ZFPM2: variants seen among roughly 807,000 people sequenced by gnomAD.
The protein encoded by ZFPM2 is zinc finger protein, FOG family member 2.
ZFPM2 carries 20 observed loss-of-function variants against 98.6 expected under a neutral mutation model. The ratio of observed to expected loss-of-function variants is 0.20; its 90% CI spans 0.14 to 0.29. The LOEUF is 0.29. Among genes scored for constraint, ZFPM2 ranks in the 10% least tolerant of loss-of-function variants. ZFPM2 has a pLI of 1.00. For synonymous variants in ZFPM2, 518 were observed against 502.7 expected (o/e 1.03, Z -0.41); for missense variants, 1,310 against 1,388.6 (o/e 0.94, Z 0.90).
chr8:105,441,457 A>AGGAAGGAAGGAAGGAAGGAAGGAAG (rs1563659926), intron 2 of ZFPM2, among the ~76,000 whole-genome samples: 1 of 81,828 alleles, frequency 1.2e-5, no homozygotes, highest in African/African-American at 5.1e-5. Context: ...AGAGAGAGAA[A>AGGAAGGAAGGAAGGAAGGAAGGAAG]GAAAGAAAGA....
At chr8:105,672,530 C>T (rs1466849605) in intron 5 of ZFPM2, among the ~76,000 whole-genome samples, 1 of 151,792 alleles carries the variant, frequency 6.6e-6, no homozygotes, top group Admixed American at 6.6e-5. Context: ...TCTGGTAATG[C>T]TATATAAGAG....
intron 3 of ZFPM2, among the ~76,000 whole-genome samples, chr8:105,523,260 A>G (rs1814101104): frequency 6.6e-6 from 1 of 152,214 alleles, no homozygotes; most frequent in Non-Finnish European, 1.5e-5. Context: ...AAAGCTAATA[A>G]AACTTTTACA....
At chr8:105,671,653 T>G (rs542747524) in intron 5 of ZFPM2, among the ~76,000 whole-genome samples, 67 of 151,440 alleles carry the variant, frequency 4.4e-4, no homozygotes, top group Admixed American at 2.0e-3. Context: ...AAATAGGTGG[T>G]TTTTTTTTAC....
intron 1 of ZFPM2, among the ~76,000 whole-genome samples, chr8:105,351,172 C>CA (rs201784746): frequency 0.29 from 27,836 of 95,234 alleles, 3,551 homozygotes; most frequent in East Asian, 0.56. Flanking sequence ...GACTCTGTCT[C>CA]AAAAAAAAAA....
At chr8:105,658,754 T>C (rs931898415) in intron 5 of ZFPM2, among the ~76,000 whole-genome samples, 5 of 152,136 alleles carry the variant, frequency 3.3e-5, no homozygotes, top group African/African-American at 9.7e-5. Context: ...TACATGGACT[T>C]CTTCACTTTT....
At chr8:105,436,086 C>G (rs534886147) in intron 2 of ZFPM2, among the ~76,000 whole-genome samples, 1 of 152,176 alleles carries the variant, frequency 6.6e-6, no homozygotes, top group South Asian at 2.1e-4. Context: ...AAACTAAAAT[C>G]TAATTTTTTA....
At chr8:105,531,021 A>G (rs1814286773) in intron 3 of ZFPM2, among the ~76,000 whole-genome samples, 1 of 152,166 alleles carries the variant, frequency 6.6e-6, no homozygotes, top group South Asian at 2.1e-4. Flanking sequence ...TTTCTAAGAA[A>G]TAATTGTCTT....
At chr8:105,721,081 C>T (rs1811651636) in intron 5 of ZFPM2, among the ~76,000 whole-genome samples, 3 of 151,776 alleles carry the variant, frequency 2.0e-5, no homozygotes, top group Admixed American at 2.0e-4. Flanking sequence ...TATAGTTGTC[C>T]CTCTGTAGAC....
intron 5 of ZFPM2, among the ~76,000 whole-genome samples, chr8:105,750,280 A>G (rs1812446605): frequency 6.6e-6 from 1 of 152,034 alleles, no homozygotes; most frequent in South Asian, 2.1e-4. Flanking sequence ...TTACGTATCT[A>G]TACTTTATAG....
intron 1 of ZFPM2, among the ~76,000 whole-genome samples, chr8:105,413,847 A>G (rs1484782675): frequency 3.3e-5 from 5 of 151,992 alleles, no homozygotes; most frequent in Non-Finnish European, 7.4e-5. Context: ...ATCTGATATT[A>G]AAATGATCCA....
intron 2 of ZFPM2, among the ~76,000 whole-genome samples, chr8:105,440,363 GTTT>G (rs1052261424): frequency 6.8e-6 from 1 of 147,220 alleles, no homozygotes; most frequent in African/African-American, 2.5e-5. Flanking sequence ...TACATTTTTG[GTTT>G]TTTTTTTAGT....
At chr8:105,706,536 A>C (rs1232060044) in intron 5 of ZFPM2, among the ~76,000 whole-genome samples, 2 of 152,060 alleles carry the variant, frequency 1.3e-5, no homozygotes, top group African/African-American at 4.8e-5. Context: ...TGTTCCTGGT[A>C]ATGAGGATAG....
At chr8:105,789,949 A>T (rs1388547798) in intron 6 of ZFPM2, among the ~76,000 whole-genome samples, 1 of 151,298 alleles carries the variant, frequency 6.6e-6, no homozygotes. Context: ...TTTTTCTTGT[A>T]AATTTGTTGG....
At chr8:105,472,709 CT>C in intron 3 of ZFPM2, among the ~76,000 whole-genome samples, 1 of 151,638 alleles carries the variant, frequency 6.6e-6, no homozygotes, top group Non-Finnish European at 1.5e-5. Flanking sequence ...GGGGTTTCAC[CT>C]TATTGGCCAG....
chr8:105,722,488 A>G (rs536940377), intron 5 of ZFPM2, among the ~76,000 whole-genome samples: 3 of 152,040 alleles, frequency 2.0e-5, no homozygotes, highest in African/African-American at 4.8e-5. Context: ...CTGATAACCT[A>G]CTATTGACCA....
At chr8:105,667,673 A>C (rs755411616) in intron 5 of ZFPM2, among the ~76,000 whole-genome samples, 1 of 152,228 alleles carries the variant, frequency 6.6e-6, no homozygotes, top group African/African-American at 2.4e-5. Context: ...AACATAGGAC[A>C]GCAAACTAAA....
chr8:105,630,071 T>C (rs1313563478), intron 4 of ZFPM2, among the ~76,000 whole-genome samples: 2 of 152,204 alleles, frequency 1.3e-5, no homozygotes, highest in Admixed American at 6.5e-5. Context: ...CCACACCTTT[T>C]ATATCTGTTC....
chr8:105,715,994 C>G (rs980107247), intron 5 of ZFPM2, among the ~76,000 whole-genome samples: 1 of 151,760 alleles, frequency 6.6e-6, no homozygotes, highest in South Asian at 2.1e-4. Flanking sequence ...CAATCAGGTG[C>G]CATAATCTGA....
At chr8:105,772,830 T>C (rs1813010515) in intron 5 of ZFPM2, among the ~76,000 whole-genome samples, 1 of 152,170 alleles carries the variant, frequency 6.6e-6, no homozygotes, top group African/African-American at 2.4e-5. Context: ...CCCTAGTCAC[T>C]TGGTGAGTTT....
Sources: gnomAD v4.1 joint callset for allele counts (sites outside exome capture counted in the v4.1 genomes callset) on GRCh38, gnomAD v4.1.1 for gene constraint, MANE v1.5 for transcripts, NCBI Gene and HGNC (gene_info 2026-07-23, HGNC 2026-07-21) for gene names.